Variants in NARS2 observed in about 807,000 individuals in gnomAD.
NARS2 encodes the protein asparaginyl-tRNA synthetase 2, mitochondrial.
In NARS2, 60 loss-of-function variants were observed where a neutral mutation model predicts 62.9. The observed-to-expected ratio is 0.95, with a 90% CI of 0.77 to 1.18. The LOEUF (loss-of-function observed/expected upper bound fraction) is 1.18, where lower values mean the gene tolerates loss of function less well. Ranked by LOEUF, NARS2 falls within the 50% of genes most tolerant of loss-of-function variation. NARS2 has a pLI of 0.00. For synonymous variants in NARS2, 196 were observed against 200.0 expected (o/e 0.98, Z 0.17); for missense variants, 619 against 576.4 (o/e 1.07, Z -0.76).
At chr11:78,449,131 AT>A (rs1857870120) in intron 11 of NARS2, among the ~76,000 whole-genome samples, 1 of 131,940 alleles carries the variant, frequency 7.6e-6, no homozygotes, top group Non-Finnish European at 1.6e-5. Context: ...CACCTAAAAA[AT>A]GTTTTTTTTT....
rs550158519 is a variant in NARS2, at chr11:78,449,964, T to C, written c.1165-6206A>G. On this transcript the variant is annotated intron_variant, in intron 11 of 13. Coordinates refer to ENST00000281038, the MANE Select transcript of NARS2 (RefSeq NM_024678.6). ...AGAATAATCTCTTTCTAGGGTACTG[T>C]TGGTCTTGGGGCAGATGGGAAAAAG... Among the ~76,000 whole-genome samples, 34 of 152,316 alleles carry C rather than the reference T, an allele frequency of 2.2e-4. No individual in the cohort carries two copies. The South Asian group carries it at 6.8e-3, about 31-fold the overall frequency.
intron 11 of NARS2, among the ~76,000 whole-genome samples, chr11:78,450,520 A>G (rs1687113467): frequency 6.6e-6 from 1 of 152,072 alleles, no homozygotes; most frequent in Admixed American, 6.6e-5. Context: ...CAAGAGTGCA[A>G]AGTTGCTTCC....
chr11:78,487,354 T>TA (rs764364438), intron 7 of NARS2, among the ~76,000 whole-genome samples: 13,334 of 92,124 alleles, frequency 0.14, 679 homozygotes, highest in Middle Eastern at 0.25. Flanking sequence ...AGGCTCTGTC[T>TA]AAAAAAAAAA....
At chr11:78,462,230 A>T (rs762179761) in intron 11 of NARS2, among the ~76,000 whole-genome samples, 12 of 152,166 alleles carry the variant, frequency 7.9e-5, no homozygotes, top group Non-Finnish European at 1.2e-4. Flanking sequence ...GGCTGGAGTG[A>T]TGAAAAAAAG....
At chr11:78,464,631 T>G (rs879095846) in intron 11 of NARS2, among the ~76,000 whole-genome samples, 2 of 152,092 alleles carry the variant, frequency 1.3e-5, no homozygotes, top group African/African-American at 4.8e-5. Flanking sequence ...AGGGTGCTGA[T>G]TGGTGTGTTT....
intron 12 of NARS2, among the ~76,000 whole-genome samples, chr11:78,441,384 T>C (rs574767542): frequency 6.6e-6 from 1 of 152,296 alleles, no homozygotes; most frequent in Admixed American, 6.5e-5. Context: ...GGGATTCACC[T>C]GAGATGAGTT....
At chr11:78,490,633 CCCGTTT>C (rs1192147563) in intron 7 of NARS2, among the ~76,000 whole-genome samples, 1 of 151,968 alleles carries the variant, frequency 6.6e-6, no homozygotes, top group Non-Finnish European at 1.5e-5. Flanking sequence ...CCTGGGCAAC[CCCGTTT>C]CTACCAAAAA....
At chr11:78,523,343 C>G (rs915235840) in intron 6 of NARS2, among the ~76,000 whole-genome samples, 2 of 152,198 alleles carry the variant, frequency 1.3e-5, no homozygotes, top group African/African-American at 2.4e-5. Context: ...TGTGGAGAAA[C>G]TGGAATGCTT....
intron 2 of NARS2, among the ~76,000 whole-genome samples, chr11:78,570,051 G>A (rs1021642416): frequency 6.6e-6 from 1 of 152,048 alleles, no homozygotes; most frequent in Admixed American, 6.5e-5. Context: ...TTAGTCCAGT[G>A]TGGTGTCGCA....
chr11:78,475,429 G>C (rs1859047355), intron 9 of NARS2, among the ~76,000 whole-genome samples: 2 of 152,090 alleles, frequency 1.3e-5, no homozygotes, highest in Non-Finnish European at 2.9e-5. Context: ...CCAGAGGTAG[G>C]ATGGCTGAAT....
At chr11:78,571,301 A>C in intron 2 of NARS2, 34 bp downstream of exon 2, 1 of 1,450,836 alleles carries the variant, frequency 6.9e-7, no homozygotes, top group Non-Finnish European at 9.7e-7. Flanking sequence ...TGAAAAACAA[A>C]AATCAAAGAA....
At chr11:78,492,210 T>C (rs900022737) in intron 7 of NARS2, among the ~76,000 whole-genome samples, 4 of 152,068 alleles carry the variant, frequency 2.6e-5, no homozygotes, top group African/African-American at 4.8e-5. Flanking sequence ...TATTGGAATT[T>C]TGATGAAGAC....
chr11:78,464,101 G>A (rs1401726502), intron 11 of NARS2, among the ~76,000 whole-genome samples: 1 of 152,120 alleles, frequency 6.6e-6, no homozygotes, highest in Non-Finnish European at 1.5e-5. Context: ...CCTTCTGGTG[G>A]GTTCGTGGTC....
At chr11:78,567,673 C>T (rs1856790941) in intron 3 of NARS2, among the ~76,000 whole-genome samples, 1 of 152,184 alleles carries the variant, frequency 6.6e-6, no homozygotes, top group Non-Finnish European at 1.5e-5. Context: ...ATTAGAATTT[C>T]TTGGAAATTA....
At chr11:78,446,842 T>A (rs995833169) in intron 11 of NARS2, among the ~76,000 whole-genome samples, 7 of 151,828 alleles carry the variant, frequency 4.6e-5, no homozygotes, top group African/African-American at 1.7e-4. Context: ...ACCAGACAAA[T>A]GAGACAGTAT....
intron 6 of NARS2, among the ~76,000 whole-genome samples, chr11:78,513,346 CTT>C (rs71046977): frequency 9.9e-4 from 140 of 141,940 alleles, no homozygotes; most frequent in Non-Finnish European, 1.3e-3. Context: ...TTCACTCTTT[CTT>C]TTTTTTTTTT....
intron 5 of NARS2, among the ~76,000 whole-genome samples, chr11:78,540,655 A>C (rs1855576398): frequency 6.6e-6 from 1 of 152,254 alleles, no homozygotes; most frequent in African/African-American, 2.4e-5. Flanking sequence ...CATGGTTCAG[A>C]AATTTAAAAG....
At chr11:78,487,320 C>A (rs1170867165) in intron 7 of NARS2, among the ~76,000 whole-genome samples, 1 of 146,914 alleles carries the variant, frequency 6.8e-6, no homozygotes, top group African/African-American at 2.5e-5. Context: ...CATGCCACTG[C>A]ACTCCAGCCT....
At position 78,475,275 on chromosome 11, in the gene NARS2, T is replaced by C. The variant is rs113615272; in HGVS notation, c.959+3163A>G. Among the ~76,000 whole-genome samples the C allele has an allele frequency of 8.6e-3, 1,312 of 152,272 alleles. 27 individuals carry two copies. The highest frequency in any genetic ancestry group is 0.03 in the African/African-American group (1,260 of 41,544). ...CCTTTGAATAGTATTCCACTGTGTA[T>C]ATATATACACATTTACTTTATCCAG... On this transcript the variant is annotated intron_variant, in intron 9 of 13. Transcript: ENST00000281038.
Sources: allele counts gnomAD v4.1 joint callset (sites outside exome capture counted in the v4.1 genomes callset), GRCh38; gene constraint gnomAD v4.1.1; transcripts MANE v1.5; gene names NCBI Gene and HGNC (gene_info 2026-07-23, HGNC 2026-07-21).